CAPN13: variants seen among roughly 807,000 people sequenced by gnomAD.
CAPN13 encodes calpain 13.
Under a neutral mutation model 98.4 loss-of-function variants are expected in CAPN13, and 90 were observed. That is an observed-to-expected ratio of 0.92 (90% CI 0.77 to 1.09). The LOEUF (loss-of-function observed/expected upper bound fraction) is 1.09, where lower values mean the gene tolerates loss of function less well. Among genes scored for constraint, CAPN13 ranks in the 50% least tolerant of loss-of-function variants. The pLI is 0.00. For missense variants in CAPN13, 887 were observed against 841.3 expected, an observed-to-expected ratio of 1.05 and a Z score of -0.67; for synonymous variants, 330 against 305.5, an observed-to-expected ratio of 1.08 and a Z score of -0.84.
rs151259724 is a variant in CAPN13 at position 30,734,883 on chromosome 2, A to G, written c.1723-359T>C. The stretch of plus-strand genomic sequence containing the variant: ...CAAACTGCTAGGGCTTAAATCGTGG[A>G]CTATTTACCAGCTGTATTACCTTTG... On this transcript the variant is annotated intron_variant, in intron 18 of 22. Transcript: ENST00000295055. Among the ~76,000 whole-genome samples the G allele has an allele frequency of 5.9e-5, 9 of 152,320 alleles. No homozygotes were observed. In the East Asian group the frequency reaches 1.5e-3, roughly 26 times the overall value.
chr2:30,775,360 T>C (rs982881868), intron 4 of CAPN13, among the ~76,000 whole-genome samples: 2 of 152,150 alleles, frequency 1.3e-5, no homozygotes, highest in Non-Finnish European at 2.9e-5. Flanking sequence ...TCTGAATAAA[T>C]GGAAAGGTAT....
intron 22 of CAPN13, among the ~76,000 whole-genome samples, chr2:30,728,518 G>T (rs1202707356): frequency 6.6e-6 from 1 of 152,110 alleles, no homozygotes; most frequent in African/African-American, 2.4e-5. Flanking sequence ...AAGGCCAAAG[G>T]CTTCAGGCTG....
rs200851606 is a variant in CAPN13, at chr2:30,776,032, G to A, written c.285C>T (p.Phe95=). Residue 95 remains phenylalanine (F), a synonymous_variant, in exon 4 of 23, where the codon TTC becomes TTT. Coordinates refer to ENST00000295055, the MANE Select transcript of CAPN13 (RefSeq NM_144575.3). ...GAGTCAAGGATCCCAGTGCTGCCAG[G>A]AACCAGCAGTCAGCTGTGAGGGGAG... ...IQQGGAADCW[F]LAALGSLTQN... 203 of 1,610,788 alleles carry A rather than the reference G, an allele frequency of 1.3e-4. 1 individual carries two copies. The Middle Eastern group carries it at 1.8e-3, about 14-fold the overall frequency.
chr2:30,766,781 C>T (rs1673134000), intron 5 of CAPN13, among the ~76,000 whole-genome samples: 1 of 152,222 alleles, frequency 6.6e-6, no homozygotes, highest in Non-Finnish European at 1.5e-5. Context: ...CCTACCAGCT[C>T]TCGTCCCTCA....
At chr2:30,742,304 C>A (rs993519824) in intron 14 of CAPN13, 22 bp downstream of exon 14, 2 of 1,597,694 alleles carry the variant, frequency 1.3e-6, no homozygotes, top group Non-Finnish European at 1.7e-6. Context: ...GGCTCGCCAG[C>A]CAAACCTTGC....
rs145281928 is a variant in CAPN13 at position 30,764,175 on chromosome 2, G to A, written c.656C>T (p.Ala219Val). 394 of 1,598,308 alleles carry A rather than the reference G, an allele frequency of 2.5e-4. 1 individual carries two copies. Among genetic ancestry groups the A allele is most frequent in the Non-Finnish European group, 3.0e-4 (348 of 1,172,328 alleles). Residue 219 changes from alanine (A) to valine (V), a missense_variant, in exon 6 of 23, where the codon GCG (alanine) becomes GTG (valine). Coordinates refer to ENST00000295055, the MANE Select transcript of CAPN13 (RefSeq NM_144575.3). ...PVDLVKAVKT[A>V]TKAGSLITCA... ...GGTTATCAGGGAGCCTGCCTTGGTCGCTGTCTTCACTGCCTTCACCAGGTC... is the reference window on the plus strand; with the variant it reads ...GGTTATCAGGGAGCCTGCCTTGGTCACTGTCTTCACTGCCTTCACCAGGTC...
At chr2:30,777,811 C>T (rs542974683) in intron 2 of CAPN13, among the ~76,000 whole-genome samples, 172 bp from the exon 3 acceptor site, 7 of 152,252 alleles carry the variant, frequency 4.6e-5, no homozygotes, top group African/African-American at 1.4e-4. Context: ...AGGAAGGCAG[C>T]AGGTGTCACG....
chr2:30,786,023 G>C (rs908628826), intron 2 of CAPN13, among the ~76,000 whole-genome samples: 1 of 133,006 alleles, frequency 7.5e-6, no homozygotes, highest in African/African-American at 3.6e-5. Context: ...CTGCCCCAAC[G>C]TAGGGCAAGA....
intron 8 of CAPN13, among the ~76,000 whole-genome samples, chr2:30,755,071 C>G (rs1250135900): frequency 6.6e-6 from 1 of 152,078 alleles, no homozygotes; most frequent in East Asian, 1.9e-4. Context: ...TCACCTTACC[C>G]CCACTCTTGA....
chr2:30,745,800 G>T (rs751743256), intron 11 of CAPN13, 66 bp from the exon 12 acceptor site: 1 of 1,424,238 alleles, frequency 7.0e-7, no homozygotes. Flanking sequence ...AAGCAGAACC[G>T]AACAGCTTGG....
rs151111919 is a variant in CAPN13, at chr2:30,742,176, A to G, written c.1479+150T>C. 1.2e-3 allele frequency: 1,258 copies of G among 1,066,196 alleles called. 15 individuals carry two copies. In the African/African-American group the frequency reaches 0.018, roughly 15 times the overall value. 66.0% of individuals were successfully genotyped at this position (1,066,196 alleles called of 1,614,324 possible). A position where few individuals can be genotyped will look rare whatever the true frequency, so the allele number is the denominator to read the frequency against. On this transcript the variant is annotated intron_variant, in intron 14 of 22. Coordinates refer to ENST00000295055, the MANE Select transcript of CAPN13 (RefSeq NM_144575.3). ...CTTGGAGGCCTGGTCTTCTCCCCCT[A>G]CCCCGCCCCTTTGAGCCTTCATCGG... is the stretch of plus-strand genomic sequence containing the variant.
chr2:30,792,750 A>G (rs1165317019), intron 1 of CAPN13, among the ~76,000 whole-genome samples: 1 of 151,854 alleles, frequency 6.6e-6, no homozygotes, highest in Non-Finnish European at 1.5e-5. Context: ...TCATAAAGAA[A>G]TCTTCTTCCT....
chr2:30,760,145 C>G (rs1672766766), intron 7 of CAPN13, among the ~76,000 whole-genome samples: 1 of 152,170 alleles, frequency 6.6e-6, no homozygotes, highest in Admixed American at 6.5e-5. Context: ...TGCAGTGGCA[C>G]GATCTCGGCT....
chr2:30,781,980 C>A (rs1396613406), intron 2 of CAPN13, among the ~76,000 whole-genome samples: 2 of 152,108 alleles, frequency 1.3e-5, no homozygotes, highest in African/African-American at 4.8e-5. Context: ...AATAGTCAAG[C>A]TAAGTAATCT....
intron 2 of CAPN13, among the ~76,000 whole-genome samples, chr2:30,782,053 T>C (rs1326998744): frequency 6.6e-6 from 1 of 152,104 alleles, no homozygotes; most frequent in Non-Finnish European, 1.5e-5. Context: ...TAATCTGTGT[T>C]ATATTAGGTA....
intron 1 of CAPN13, among the ~76,000 whole-genome samples, chr2:30,797,946 G>A (rs1393518642): frequency 6.6e-6 from 1 of 152,238 alleles, no homozygotes; most frequent in Non-Finnish European, 1.5e-5. Context: ...CGATGGCCAG[G>A]TGTCCCTGAG....
Position 30,776,052 on chromosome 2 carries a change from G to C in CAPN13, c.272-7C>G. 1 of 1,596,578 alleles carries C rather than the reference G, an allele frequency of 6.3e-7. No homozygotes were observed. Among genetic ancestry groups the C allele is most frequent in the Non-Finnish European group, 8.6e-7 (1 of 1,168,202 alleles). On this transcript the variant is annotated splice_region_variant and splice_polypyrimidine_tract_variant and intron_variant, in intron 3 of 22. Coordinates refer to ENST00000295055, the MANE Select transcript of CAPN13 (RefSeq NM_144575.3). Reference sequence around the variant, plus strand: ...GCCAGGAACCAGCAGTCAGCTGTGAGGGGAGATAAGCCAGGAAAGGCTGAT... The same window carrying C: ...GCCAGGAACCAGCAGTCAGCTGTGACGGGAGATAAGCCAGGAAAGGCTGAT...
At chr2:30,782,096 C>T (rs984928391) in intron 2 of CAPN13, among the ~76,000 whole-genome samples, 1 of 152,138 alleles carries the variant, frequency 6.6e-6, no homozygotes, top group African/African-American at 2.4e-5. Flanking sequence ...GGGCTCCTGG[C>T]ATCTTAGAAA....
At chr2:30,791,849 A>G (rs1223048907) in intron 1 of CAPN13, among the ~76,000 whole-genome samples, 1 of 152,236 alleles carries the variant, frequency 6.6e-6, no homozygotes, top group Admixed American at 6.5e-5. Context: ...ATTATTATTT[A>G]TTTATCTGAC....
Sources: allele counts gnomAD v4.1 joint callset (sites outside exome capture counted in the v4.1 genomes callset), GRCh38; gene constraint gnomAD v4.1.1; transcripts MANE v1.5; gene names NCBI Gene and HGNC (gene_info 2026-07-23, HGNC 2026-07-21).